Variants in CAND1 observed in about 807,000 individuals in gnomAD.
The protein encoded by CAND1 is cullin associated and neddylation dissociated 1, also known as cullin-associated NEDD8-dissociated protein 1.
In CAND1, 7 loss-of-function variants were observed where a neutral mutation model predicts 108.5. That is an observed-to-expected ratio of 0.06 (90% CI 0.04 to 0.12). The LOEUF is 0.12. CAND1 is among the 10% of genes least tolerant of loss of function. The pLI is 1.00. For missense variants in CAND1, 941 were observed against 1,448.7 expected (o/e 0.65, Z 5.69); for synonymous variants, 534 against 512.0 (o/e 1.04, Z -0.58).
At chr12:67,302,735 G>A in intron 8 of CAND1, 120 bp downstream of exon 8, 1 of 779,174 alleles carries the variant, frequency 1.3e-6, no homozygotes, top group East Asian at 2.7e-5. Context: ...TCTAGGATAT[G>A]TTTATATAGT....
rs1368360269 is a variant in CAND1, at chr12:67,316,010, T to G, written c.*3180T>G. 1 of 152,216 alleles carries G rather than the reference T, an allele frequency of 6.6e-6. No individual in the cohort carries two copies. The highest frequency in any genetic ancestry group is 1.5e-5 in the Non-Finnish European group (1 of 68,034). The allele number at this position is 152,216 out of a possible 1,614,324, so 9.4% of individuals were successfully genotyped here. A position where few individuals can be genotyped will look rare whatever the true frequency, so the allele number is the denominator to read the frequency against. On this transcript the variant is annotated 3_prime_UTR_variant, in exon 15 of 15. Transcript: ENST00000545606. ...TACTAAAGACCTAAATTGTTAAAAT[T>G]AATTGCCAATCTCTGGATATATTAT... is the stretch of plus-strand genomic sequence containing the variant.
chr12:67,306,638 ATAGT>A, intron 10 of CAND1, 41 bp downstream of exon 10: 3 of 1,476,808 alleles, frequency 2.0e-6, no homozygotes, highest in Non-Finnish European at 2.7e-6. Flanking sequence ...TTTTTTATTG[ATAGT>A]TGGTTGCCTT....
rs1022033123 is a variant in CAND1, at chr12:67,316,783, C to G, written c.*3953C>G. On this transcript the variant is annotated 3_prime_UTR_variant, in exon 15 of 15. Coordinates refer to ENST00000545606, the MANE Select transcript of CAND1 (RefSeq NM_018448.5). Reference sequence around the variant, plus strand: ...ATTAGGAAGTATTGGAATTAATTTGCTATTGCCAGTAAGTAATGGTTGATG... The same window carrying G: ...ATTAGGAAGTATTGGAATTAATTTGGTATTGCCAGTAAGTAATGGTTGATG... 1.3e-5 allele frequency: 2 copies of G among 152,122 alleles called. No individual in the cohort carries two copies. The highest frequency in any genetic ancestry group is 4.8e-5 in the African/African-American group (2 of 41,422). 9.4% of individuals were successfully genotyped at this position (152,122 alleles called of 1,614,324 possible).
chr12:67,286,965 A>G (rs1033331004), intron 2 of CAND1, among the ~76,000 whole-genome samples: 2 of 152,200 alleles, frequency 1.3e-5, no homozygotes, highest in East Asian at 1.9e-4. Context: ...ATTGACTATA[A>G]AAGTGTGGGT....
chr12:67,285,701 CCAAT>C (rs2044663915), intron 2 of CAND1, among the ~76,000 whole-genome samples: 2 of 152,082 alleles, frequency 1.3e-5, no homozygotes, highest in South Asian at 4.2e-4. Context: ...TACAACATCT[CCAAT>C]CAAGGTCACT....
chr12:67,300,784 T>C (rs2044817688), intron 7 of CAND1, among the ~76,000 whole-genome samples: 1 of 152,180 alleles, frequency 6.6e-6, no homozygotes, highest in South Asian at 2.1e-4. Context: ...AGGCAATCAA[T>C]AAATGGGTTG....
chr12:67,279,851 C>A (rs1338142255), intron 1 of CAND1, among the ~76,000 whole-genome samples: 3 of 152,146 alleles, frequency 2.0e-5, no homozygotes, highest in African/African-American at 7.2e-5. Context: ...AATTGATGAT[C>A]CCTGTTTTCT....
chr12:67,309,826 A>G (rs2044929902), intron 11 of CAND1, 75 bp from the exon 12 acceptor site: 7 of 1,035,010 alleles, frequency 6.8e-6, no homozygotes, highest in Non-Finnish European at 9.7e-6. Context: ...AATTATATCA[A>G]CTTAGAGAAA....
chr12:67,291,621 C>T (rs2044722724), intron 2 of CAND1, among the ~76,000 whole-genome samples: 1 of 152,018 alleles, frequency 6.6e-6, no homozygotes, highest in Non-Finnish European at 1.5e-5. Flanking sequence ...ATACACATAG[C>T]CCGAAGGTAA....
intron 2 of CAND1, among the ~76,000 whole-genome samples, chr12:67,289,954 A>AT (rs1231455961): frequency 6.6e-6 from 1 of 152,042 alleles, no homozygotes; most frequent in African/African-American, 2.4e-5. Context: ...ATCAAATTAA[A>AT]TTTTCATGAT....
At position 67,317,341 on chromosome 12, in the gene CAND1, T is replaced by C. The variant is rs2045016959; in HGVS notation, c.*4511T>C. The stretch of plus-strand genomic sequence containing the variant: ...TTGTGGAGATGGGGTCTCATGACCT[T>C]GTCCAGGATGATCTCAAACTCCTGG... On this transcript the variant is annotated 3_prime_UTR_variant, in exon 15 of 15. Coordinates refer to ENST00000545606, the MANE Select transcript of CAND1 (RefSeq NM_018448.5). 6.6e-6 allele frequency: 1 copy of C among 152,000 alleles called. No individual in the cohort carries two copies. The highest frequency in any genetic ancestry group is 1.5e-5 in the Non-Finnish European group (1 of 68,062). The allele number at this position is 152,000 out of a possible 1,614,324, so 9.4% of individuals were successfully genotyped here.
At chr12:67,269,979 C>T (rs893362763) in intron 1 of CAND1, 194 bp downstream of exon 1, 2 of 548,502 alleles carry the variant, frequency 3.6e-6, no homozygotes, top group Non-Finnish European at 6.4e-6. Flanking sequence ...CCCCCTCCCC[C>T]CATTCTTTCT....
At chr12:67,311,871 A>G (rs929452316) in intron 14 of CAND1, 71 bp downstream of exon 14, 7 of 872,726 alleles carry the variant, frequency 8.0e-6, no homozygotes, top group African/African-American at 6.6e-5. Flanking sequence ...TCTTTTCTCT[A>G]GCTTTCCAAA....
intron 1 of CAND1, 92 bp downstream of exon 1, chr12:67,269,877 T>G: frequency 6.5e-4 from 615 of 951,268 alleles, no homozygotes; most frequent in Middle Eastern, 1.6e-3. Context: ...CCTTCGGCCG[T>G]AGCCGGTAGC....
chr12:67,305,201 A>G lies in CAND1; in HGVS notation c.1533A>G (p.Gln511=). ...TAATCCTCTGTAACCATTCTCCTCA[A>G]GTCTTCCATCCTCACGTTCAGGCTT... The part of the protein sequence containing the change: ...LYVILCNHSP[Q]VFHPHVQALV... The change falls in exon 10 of 15, where the codon CAA becomes CAG. Residue 511 remains glutamine, a synonymous_variant. Transcript: ENST00000545606. This position sits in a 1 kb window ranked among gnomAD's most constrained non-coding sequence, Gnocchi z 4.4. 2 of 1,614,142 alleles carry G rather than the reference A, an allele frequency of 1.2e-6. No individual in the cohort carries two copies. Among genetic ancestry groups the G allele is most frequent in the East Asian group, 2.2e-5 (1 of 44,880 alleles).
At chr12:67,272,630 A>G (rs756315424) in intron 1 of CAND1, among the ~76,000 whole-genome samples, 32 of 152,222 alleles carry the variant, frequency 2.1e-4, no homozygotes, top group Non-Finnish European at 3.4e-4. Flanking sequence ...GGGAAGCATT[A>G]GGATGAGAAA....
chr12:67,311,285 G>C (rs943785584), intron 13 of CAND1: 3 of 152,176 alleles, frequency 2.0e-5, no homozygotes, highest in African/African-American at 7.2e-5. Flanking sequence ...GGTCAACTCT[G>C]TTATGATAGT....
chr12:67,269,411 G>C lies in CAND1; in HGVS notation c.-307G>C, dbSNP rs1157190871. 1 of 399,384 alleles carries C rather than the reference G, an allele frequency of 2.5e-6. No individual in the cohort carries two copies. The allele number at this position is 399,384 out of a possible 1,614,324, so 24.7% of individuals were successfully genotyped here. Reference sequence around the variant, plus strand: ...GAGTGGGAGCGAGACGGCCCTGAGTGGAAGTGTCTGGCTCCCCGTAGAGGC... The same window carrying C: ...GAGTGGGAGCGAGACGGCCCTGAGTCGAAGTGTCTGGCTCCCCGTAGAGGC... On this transcript the variant is annotated 5_prime_UTR_variant, in exon 1 of 15. Coordinates refer to ENST00000545606, the MANE Select transcript of CAND1 (RefSeq NM_018448.5).
chr12:67,275,086 G>GT (rs768717565), intron 1 of CAND1, among the ~76,000 whole-genome samples: 1 of 152,024 alleles, frequency 6.6e-6, no homozygotes, highest in Non-Finnish European at 1.5e-5. Flanking sequence ...TTACTTTGAT[G>GT]TTTTTTTCTT....
Sources: gnomAD v4.1 joint callset for allele counts (sites outside exome capture counted in the v4.1 genomes callset) on GRCh38, gnomAD v4.1.1 for gene constraint, Gnocchi (gnomAD v3.1) non-coding constraint, MANE v1.5 for transcripts, NCBI Gene and HGNC (gene_info 2026-07-23, HGNC 2026-07-21) for gene names.